Variants in MAP2K5 observed in about 807,000 individuals in gnomAD.
The protein encoded by MAP2K5 is dual specificity mitogen-activated protein kinase kinase 5.
In MAP2K5, 49 loss-of-function variants were observed where a neutral mutation model predicts 83.1. The observed-to-expected ratio is 0.59, with a 90% CI of 0.47 to 0.75. MAP2K5 has a LOEUF of 0.75. Ranked by LOEUF, MAP2K5 falls within the 30% of genes least tolerant of loss-of-function variation. The probability of loss-of-function intolerance (pLI) is 0.00; values close to 1 mark genes in which losing one functional copy is unlikely to be tolerated. For synonymous variants in MAP2K5, 202 were observed against 191.8 expected, an observed-to-expected ratio of 1.05 and a Z score of -0.44; for missense variants, 457 against 557.5, an observed-to-expected ratio of 0.82 and a Z score of 1.82.
intron 21 of MAP2K5, among the ~76,000 whole-genome samples, chr15:67,773,872 G>A (rs1488694215): frequency 1.3e-5 from 2 of 152,206 alleles, no homozygotes; most frequent in Admixed American, 1.3e-4. Context: ...ACTTGGAACA[G>A]GTTCTAGAGA....
chr15:67,792,894 A>G (rs971402177), intron 21 of MAP2K5, among the ~76,000 whole-genome samples: 4 of 152,228 alleles, frequency 2.6e-5, no homozygotes, highest in African/African-American at 9.6e-5. Context: ...ATGGTGCTTC[A>G]TGGCAAACTT....
intron 13 of MAP2K5, among the ~76,000 whole-genome samples, chr15:67,682,839 TAAAAA>T (rs576946690): frequency 7.5e-6 from 1 of 133,876 alleles, no homozygotes; most frequent in Admixed American, 7.5e-5. Context: ...TCTCAAAAAA[TAAAAA>T]AAAAAGAGTT....
intron 16 of MAP2K5, among the ~76,000 whole-genome samples, chr15:67,710,028 G>GC (rs1251916370): frequency 6.6e-6 from 1 of 152,070 alleles, no homozygotes; most frequent in East Asian, 1.9e-4. Flanking sequence ...CTGAAAGCCT[G>GC]CCCCCCACCC....
chr15:67,580,960 C>T (rs572541911), intron 4 of MAP2K5, 137 bp downstream of exon 4: 6 of 628,920 alleles, frequency 9.5e-6, no homozygotes, highest in Middle Eastern at 4.4e-4. Context: ...TATTCATTAT[C>T]GTGGGGATTG....
Position 67,772,825 on chromosome 15 carries a change from A to T in MAP2K5, c.1242+73A>T. ...TGTTTAACATTCTGTTTAAAAGTCC[A>T]GAATGGAATTTGAAACAGCCATAGG... On this transcript the variant is annotated intron_variant, in intron 21 of 21. Transcript: ENST00000178640. 2.3e-6 allele frequency: 3 copies of T among 1,322,642 alleles called. No individual in the cohort carries two copies. In the South Asian group the frequency reaches 4.0e-5, roughly 17 times the overall value. 81.9% of individuals were successfully genotyped at this position (1,322,642 alleles called of 1,614,324 possible).
intron 13 of MAP2K5, among the ~76,000 whole-genome samples, chr15:67,666,328 A>G (rs1451910663): frequency 2.0e-5 from 3 of 152,224 alleles, no homozygotes; most frequent in African/African-American, 7.2e-5. Context: ...AAAATTAGAA[A>G]TCATGCTGAT....
chr15:67,718,479 G>T (rs992013445), intron 16 of MAP2K5, among the ~76,000 whole-genome samples: 3 of 152,114 alleles, frequency 2.0e-5, no homozygotes, highest in African/African-American at 4.8e-5. Context: ...AAATTTTTAT[G>T]GGGGCTGGGT....
At chr15:67,605,530 T>C (rs1461710295) in intron 8 of MAP2K5, among the ~76,000 whole-genome samples, 2 of 152,212 alleles carry the variant, frequency 1.3e-5, no homozygotes, top group Non-Finnish European at 2.9e-5. Context: ...TTTTTAAAGT[T>C]TCAAAGTATT....
At position 67,791,588 on chromosome 15, in the gene MAP2K5, C is replaced by T. The variant is rs75682215; in HGVS notation, c.1243-15058C>T. ...CTCACAACTGGCTGCTATTATATTG[C>T]ACATCATCACAAAAGGCACAGGTTT... On this transcript the variant is annotated intron_variant, in intron 21 of 21. Transcript: ENST00000178640. Among the ~76,000 whole-genome samples, 268 of 152,334 alleles carry T rather than the reference C, an allele frequency of 1.8e-3. 3 individuals carry two copies. The East Asian group carries it at 0.038, about 21-fold the overall frequency.
In MAP2K5 at chr15:67,572,825, A is replaced by G. The variant is rs898879359; in HGVS notation, c.253-7929A>G. ...GTGATTCTCCTGCCTCAACCTCCTG[A>G]GTAGCTGGGACTACAGGCACCTGCT... On this transcript the variant is annotated intron_variant, in intron 3 of 21. Transcript: ENST00000178640. The surrounding 1 kb of genome is among the most constrained non-coding windows in gnomAD (Gnocchi z 4.2). Among the ~76,000 whole-genome samples, 2 of 151,852 alleles carry G rather than the reference A, an allele frequency of 1.3e-5. No homozygotes were observed. Among genetic ancestry groups the G allele is most frequent in the Non-Finnish European group, 1.5e-5 (1 of 67,994 alleles).
chr15:67,658,438 C>A, intron 11 of MAP2K5, 115 bp from the exon 12 acceptor site: 1 of 764,790 alleles, frequency 1.3e-6, no homozygotes, highest in Non-Finnish European at 2.3e-6. Context: ...ACTACACATC[C>A]AATGCATGCT....
At chr15:67,771,651 AGT>A (rs1407338106) in intron 20 of MAP2K5, among the ~76,000 whole-genome samples, 1 of 152,190 alleles carries the variant, frequency 6.6e-6, no homozygotes, top group African/African-American at 2.4e-5. Context: ...TAATGGATGC[AGT>A]GTTTGAGAGG....
At position 67,720,064 on chromosome 15, in the gene MAP2K5, G is replaced by T. The variant is rs1024909129; in HGVS notation, c.1045-7852G>T. Among the ~76,000 whole-genome samples the T allele has an allele frequency of 6.6e-6, 1 of 152,088 alleles. No homozygotes were observed. The highest frequency in any genetic ancestry group is 1.5e-5 in the Non-Finnish European group (1 of 68,020). Reference sequence around the variant, plus strand: ...AGTGTCTGTAAAGCTACAAAAGTGGGCATTTTTAAATTGAGGGTTTTTTCC... The same window carrying T: ...AGTGTCTGTAAAGCTACAAAAGTGGTCATTTTTAAATTGAGGGTTTTTTCC... On this transcript the variant is annotated intron_variant, in intron 16 of 21. Transcript: ENST00000178640. This position sits in a 1 kb window ranked among gnomAD's most constrained non-coding sequence, Gnocchi z 5.7.
intron 17 of MAP2K5, among the ~76,000 whole-genome samples, chr15:67,742,171 G>A (rs1256028603): frequency 1.3e-5 from 2 of 152,216 alleles, no homozygotes; most frequent in Admixed American, 6.5e-5. Context: ...GATTGCAGGC[G>A]TGAGCCACTG....
At chr15:67,608,805 G>C (rs1389222907) in intron 8 of MAP2K5, among the ~76,000 whole-genome samples, 1 of 152,168 alleles carries the variant, frequency 6.6e-6, no homozygotes, top group Non-Finnish European at 1.5e-5. Context: ...GTCGGCCTTT[G>C]GTTAGAGTGA....
chr15:67,629,267 G>C (rs2141084780), intron 8 of MAP2K5: 4 of 582,856 alleles, frequency 6.9e-6, no homozygotes, highest in Non-Finnish European at 9.6e-6. Context: ...AAGAAGACAT[G>C]TTTTAGACAA....
intron 7 of MAP2K5, 146 bp from the exon 8 acceptor site, chr15:67,600,539 A>G (rs963915911): frequency 1.1e-5 from 7 of 636,762 alleles, no homozygotes; most frequent in Admixed American, 3.2e-5. Flanking sequence ...TAAATTGGAC[A>G]GCAAACGTTG....
In MAP2K5 at chr15:67,594,886, A is replaced by G. The variant is rs538403609; in HGVS notation, c.480+1912A>G. On this transcript the variant is annotated intron_variant, in intron 7 of 21. Transcript: ENST00000178640. ...TCTAATTCCTTAATTCCTCAGTGCT[A>G]TAGGATAACTAAACAGTGAGTGAAA... is the stretch of plus-strand genomic sequence containing the variant. Among the ~76,000 whole-genome samples the G allele has an allele frequency of 3.3e-5, 5 of 152,282 alleles. No homozygotes were observed. The South Asian group carries it at 6.2e-4, about 19-fold the overall frequency.
At chr15:67,586,275 C>T (rs991085005) in intron 5 of MAP2K5, among the ~76,000 whole-genome samples, 1 of 152,072 alleles carries the variant, frequency 6.6e-6, no homozygotes, top group African/African-American at 2.4e-5. Flanking sequence ...ACATGGAATA[C>T]CCTCTCTTGA....
Sources: allele counts gnomAD v4.1 joint callset (sites outside exome capture counted in the v4.1 genomes callset), GRCh38; gene constraint gnomAD v4.1.1; non-coding constraint Gnocchi (gnomAD v3.1); transcripts MANE v1.5; gene names NCBI Gene and HGNC (gene_info 2026-07-23, HGNC 2026-07-21).